Variants in PRKCE observed in about 807,000 individuals in gnomAD.
PRKCE encodes protein kinase C epsilon type.
PRKCE carries 16 observed loss-of-function variants against 85.4 expected under a neutral mutation model. The observed-to-expected ratio is 0.19, with a 90% CI of 0.13 to 0.28. The LOEUF (loss-of-function observed/expected upper bound fraction) is 0.28, where lower values mean the gene tolerates loss of function less well. PRKCE is among the 10% of genes least tolerant of loss of function. The probability of loss-of-function intolerance (pLI) is 1.00; values close to 1 mark genes in which losing one functional copy is unlikely to be tolerated. For missense variants in PRKCE, 573 were observed against 975.2 expected, an observed-to-expected ratio of 0.59 and a Z score of 5.49; for synonymous variants, 388 against 371.5, an observed-to-expected ratio of 1.04 and a Z score of -0.51.
chr2:46,133,187 G>A (rs146619483), intron 11 of PRKCE, among the ~76,000 whole-genome samples: 5 of 152,116 alleles, frequency 3.3e-5, no homozygotes, highest in Non-Finnish European at 7.4e-5. Flanking sequence ...GTCCACTTCC[G>A]CCAGGCTCCA....
intron 11 of PRKCE, among the ~76,000 whole-genome samples, chr2:46,114,767 A>G (rs1489531946): frequency 6.6e-6 from 1 of 152,090 alleles, no homozygotes; most frequent in Admixed American, 6.6e-5. Flanking sequence ...CCCTCAAGAA[A>G]GCCCGTTCAC....
intron 1 of PRKCE, among the ~76,000 whole-genome samples, chr2:45,744,485 CTTTTTCTTTCTTTCTTT>C: frequency 3.7e-5 from 1 of 27,114 alleles, no homozygotes; most frequent in Non-Finnish European, 8.6e-5. Context: ...TTCTTTCTTT[CTTTTTCTTTCTTTCTTT>C]TCTTTCTTTC....
chr2:45,811,616 C>G (rs74782085), intron 1 of PRKCE, among the ~76,000 whole-genome samples: 6,177 of 152,216 alleles, frequency 0.041, 328 homozygotes, highest in African/African-American at 0.12. Flanking sequence ...AAGTCACCAT[C>G]TATGTATGGC....
At chr2:45,780,381 T>A (rs1686086851) in intron 1 of PRKCE, among the ~76,000 whole-genome samples, 1 of 152,242 alleles carries the variant, frequency 6.6e-6, no homozygotes. Flanking sequence ...GCTGATTGTA[T>A]TCCCATGGTG....
intron 11 of PRKCE, among the ~76,000 whole-genome samples, chr2:46,133,126 G>T (rs1017638011): frequency 6.6e-6 from 1 of 152,202 alleles, no homozygotes; most frequent in Non-Finnish European, 1.5e-5. Flanking sequence ...TTGAAGTGCG[G>T]TTTTCTGGCC....
At chr2:46,111,962 A>G (rs970507011) in intron 11 of PRKCE, among the ~76,000 whole-genome samples, 6 of 152,110 alleles carry the variant, frequency 3.9e-5, no homozygotes, top group Admixed American at 1.3e-4. Flanking sequence ...CCAAATCCTC[A>G]CCAACACTTG....
intron 1 of PRKCE, among the ~76,000 whole-genome samples, chr2:45,839,942 G>A: frequency 6.6e-6 from 1 of 152,202 alleles, no homozygotes; most frequent in African/African-American, 2.4e-5. Context: ...GCTGCAGTGG[G>A]TGCTAAAATG....
At chr2:46,156,097 C>T (rs1272032730) in intron 13 of PRKCE, among the ~76,000 whole-genome samples, 5 of 151,634 alleles carry the variant, frequency 3.3e-5, no homozygotes, top group African/African-American at 9.7e-5. Flanking sequence ...AGCCATTTCG[C>T]GCCTCATCCC....
At chr2:46,085,740 T>TG (rs1341747181) in intron 10 of PRKCE, among the ~76,000 whole-genome samples, 2 of 16,234 alleles carry the variant, frequency 1.2e-4, no homozygotes, top group Non-Finnish European at 2.9e-4. Flanking sequence ...AAATCCGTTT[T>TG]TTTTTTTTGT....
At chr2:46,044,937 T>C (rs1708429358) in intron 10 of PRKCE, among the ~76,000 whole-genome samples, 1 of 152,244 alleles carries the variant, frequency 6.6e-6, no homozygotes, top group African/African-American at 2.4e-5. Flanking sequence ...TTGTATCTTC[T>C]TATTCTATAT....
intron 1 of PRKCE, among the ~76,000 whole-genome samples, chr2:45,777,354 G>A (rs550620802): frequency 6.6e-6 from 1 of 152,216 alleles, no homozygotes; most frequent in South Asian, 2.1e-4. Flanking sequence ...CTGGGGAAAT[G>A]TGAGAAGTGT....
At position 45,895,642 on chromosome 2, in the gene PRKCE, T is replaced by C. The variant is rs1327636708; in HGVS notation, c.412+52579T>C. Among the ~76,000 whole-genome samples, 1 of 152,266 alleles carries C rather than the reference T, an allele frequency of 6.6e-6. No individual in the cohort carries two copies. The highest frequency in any genetic ancestry group is 1.9e-4 in the East Asian group (1 of 5,204). On this transcript the variant is annotated intron_variant, in intron 2 of 14. Coordinates refer to ENST00000306156, the MANE Select transcript of PRKCE (RefSeq NM_005400.3). The surrounding 1 kb of genome is among the most constrained non-coding windows in gnomAD (Gnocchi z 4.8). ...TTTGGTAGAAGTCACTCTAATGGCA[T>C]GCAGGGTAGATGATGTCAGCTTTTC... is the stretch of plus-strand genomic sequence containing the variant.
intron 2 of PRKCE, among the ~76,000 whole-genome samples, chr2:45,877,162 C>G (rs1298333783): frequency 2.0e-5 from 3 of 152,268 alleles, no homozygotes; most frequent in South Asian, 2.1e-4. Flanking sequence ...TTAAAGGTAA[C>G]ATTCCACTGT....
intron 1 of PRKCE, among the ~76,000 whole-genome samples, chr2:45,684,833 A>C (rs1677174748): frequency 6.6e-6 from 1 of 152,196 alleles, no homozygotes. Context: ...GTGTGTCCCC[A>C]GTCAACCCCA....
chr2:45,884,481 T>C (rs1420372386), intron 2 of PRKCE, among the ~76,000 whole-genome samples: 1 of 152,166 alleles, frequency 6.6e-6, no homozygotes, highest in East Asian at 1.9e-4. Flanking sequence ...CTCCAATCTC[T>C]AAAGTCTCCA....
intron 12 of PRKCE, among the ~76,000 whole-genome samples, chr2:46,149,556 A>T (rs1416375758): frequency 6.6e-6 from 1 of 152,038 alleles, no homozygotes; most frequent in Non-Finnish European, 1.5e-5. Flanking sequence ...TTTTCCTCTG[A>T]GCCAAACACA....
intron 10 of PRKCE, among the ~76,000 whole-genome samples, chr2:46,035,696 T>C (rs1304213990): frequency 6.6e-6 from 1 of 152,232 alleles, no homozygotes; most frequent in Non-Finnish European, 1.5e-5. Context: ...TAAATTACTA[T>C]ATATGGTGTA....
chr2:45,703,190 TG>T (rs1394799062), intron 1 of PRKCE, among the ~76,000 whole-genome samples: 11 of 151,978 alleles, frequency 7.2e-5, no homozygotes, highest in African/African-American at 2.7e-4. Flanking sequence ...GAGGCCACAG[TG>T]CTGTTTGCTT....
At chr2:46,040,896 TCA>T (rs974691777) in intron 10 of PRKCE, among the ~76,000 whole-genome samples, 4 of 152,202 alleles carry the variant, frequency 2.6e-5, no homozygotes, top group African/African-American at 9.7e-5. Context: ...CTGACGAATC[TCA>T]GTTTTAAATG....
Sources: gnomAD v4.1 joint callset for allele counts (sites outside exome capture counted in the v4.1 genomes callset) on GRCh38, gnomAD v4.1.1 for gene constraint, Gnocchi (gnomAD v3.1) non-coding constraint, MANE v1.5 for transcripts, NCBI Gene and HGNC (gene_info 2026-07-23, HGNC 2026-07-21) for gene names.